Variants in ZNF595 observed in about 807,000 individuals in gnomAD.
The protein encoded by ZNF595 is zinc finger protein 595.
Under a neutral mutation model 19.4 loss-of-function variants are expected in ZNF595, and 9 were observed. The ratio of observed to expected loss-of-function variants is 0.46; its 90% CI spans 0.28 to 0.81. The LOEUF is 0.81. Ranked by LOEUF, ZNF595 falls within the 30% of genes least tolerant of loss-of-function variation. The pLI is 0.11. For synonymous variants in ZNF595, 255 were observed against 255.9 expected, an observed-to-expected ratio of 1.00 and a Z score of 0.03; for missense variants, 729 against 736.0, an observed-to-expected ratio of 0.99 and a Z score of 0.11.
intron 3 of ZNF595, among the ~76,000 whole-genome samples, chr4:77,822 G>A (rs1258465892): frequency 1.3e-5 from 2 of 152,116 alleles, no homozygotes; most frequent in South Asian, 2.1e-4. Context: ...CAATATAAAT[G>A]TGAGCAGGTG....
At chr4:82,510 G>C (rs984886810) in intron 3 of ZNF595, among the ~76,000 whole-genome samples, 13 of 150,212 alleles carry the variant, frequency 8.7e-5, no homozygotes, top group African/African-American at 3.2e-4. Flanking sequence ...TCAGCCTGTC[G>C]AGTAGCTGGG....
At chr4:66,138 G>A (rs1713088785) in intron 3 of ZNF595, among the ~76,000 whole-genome samples, 3 of 144,680 alleles carry the variant, frequency 2.1e-5, no homozygotes, top group African/African-American at 7.8e-5. Context: ...GTGTACAAGG[G>A]TTTCAATTTC....
In ZNF595 at chr4:78,170, G is replaced by A. The variant is rs1398383020; in HGVS notation, c.227-7561G>A. 4.6e-5 allele frequency among the ~76,000 whole-genome samples: 7 copies of A among 152,074 alleles called. No homozygotes were observed. In the East Asian group the frequency reaches 7.7e-4, roughly 17 times the overall value. Reference sequence around the variant, plus strand: ...ACTACAGGCGTCCGCGGCCACGTCCGGCTAATTTTTTGTATGTTTAGTAGA... The same window carrying A: ...ACTACAGGCGTCCGCGGCCACGTCCAGCTAATTTTTTGTATGTTTAGTAGA... On this transcript the variant is annotated intron_variant, in intron 3 of 3. Coordinates refer to ENST00000610261, the MANE Select transcript of ZNF595 (RefSeq NM_182524.4).
intron 3 of ZNF595, among the ~76,000 whole-genome samples, chr4:70,911 G>A (rs1713402516): frequency 6.6e-6 from 1 of 152,280 alleles, no homozygotes; most frequent in Admixed American, 6.5e-5. Context: ...GATAGGGATT[G>A]CATTAAATCT....
At chr4:70,278 G>A (rs1445796177) in intron 3 of ZNF595, among the ~76,000 whole-genome samples, 2 of 151,466 alleles carry the variant, frequency 1.3e-5, no homozygotes, top group African/African-American at 4.9e-5. Flanking sequence ...AGAGATAGGG[G>A]TCTAGTTTCG....
intron 3 of ZNF595, among the ~76,000 whole-genome samples, chr4:61,235 C>A (rs1712848686): frequency 6.6e-6 from 1 of 152,188 alleles, no homozygotes; most frequent in Non-Finnish European, 1.5e-5. Context: ...CTCACTGCAA[C>A]CTCTGCTGCC....
At position 86,060 on chromosome 4, in the gene ZNF595, C is replaced by A; in HGVS notation, c.556C>A (p.His186Asn). 1 of 1,612,456 alleles carries A rather than the reference C, an allele frequency of 6.2e-7. No individual in the cohort carries two copies. The highest frequency in any genetic ancestry group is 8.5e-7 in the Non-Finnish European group (1 of 1,179,134). ...ATGTGGCAGATCGTTTTACATGTCA[C>A]ACCTAACTCAACATACAGGAATTCA... is the stretch of plus-strand genomic sequence containing the variant. Reference protein sequence around the residue: ...TECGRSFYMSHLTQHTGIHAG... With the variant: ...TECGRSFYMSNLTQHTGIHAG... The change falls in exon 4 of 4, where the codon CAC (histidine) becomes AAC (asparagine). Residue 186 changes from histidine to asparagine, a missense_variant. Coordinates refer to ENST00000610261, the MANE Select transcript of ZNF595 (RefSeq NM_182524.4).
At chr4:70,718 T>G (rs572362912) in intron 3 of ZNF595, among the ~76,000 whole-genome samples, 29 of 152,358 alleles carry the variant, frequency 1.9e-4, no homozygotes, top group African/African-American at 6.3e-4. Context: ...CTCTACTGTT[T>G]TACTGATCAG....
chr4:82,930 T>C (rs1713977636), intron 3 of ZNF595, among the ~76,000 whole-genome samples: 1 of 152,166 alleles, frequency 6.6e-6, no homozygotes, highest in African/African-American at 2.4e-5. Flanking sequence ...TGAGTATTCT[T>C]TTCTGATTAT....
rs1553801641 is a variant in ZNF595 at position 86,565 on chromosome 4, G to C, written c.1061G>C (p.Ser354Thr). Residue 354 changes from serine to threonine, a missense_variant, in exon 4 of 4, where the codon AGT becomes ACT. Around this residue, in one of 2 missense-constraint regions of ZNF595, gnomAD observed 729 missense variants for 675.3 expected, o/e 1.08. Coordinates refer to ENST00000610261, the MANE Select transcript of ZNF595 (RefSeq NM_182524.4). ...KCGKAFNQSS[S>T]LIIHRSIHSE... Reference sequence around the variant, plus strand: ...GGCAAAGCTTTTAACCAATCCTCAAGTCTTATTATACACAGGAGCATTCAT... The same window carrying C: ...GGCAAAGCTTTTAACCAATCCTCAACTCTTATTATACACAGGAGCATTCAT... 2 of 1,612,304 alleles carry C rather than the reference G, an allele frequency of 1.2e-6. No homozygotes were observed. Among genetic ancestry groups the C allele is most frequent in the South Asian group, 2.2e-5 (2 of 90,990 alleles).
At chr4:66,454 A>T (rs1713114634) in intron 3 of ZNF595, among the ~76,000 whole-genome samples, 1 of 152,066 alleles carries the variant, frequency 6.6e-6, no homozygotes, top group Non-Finnish European at 1.5e-5. Flanking sequence ...AATTTAATGT[A>T]GTCCTACTTT....
rs138573810 is a variant in ZNF595, at chr4:73,179, C to A, written c.227-12552C>A. ...ATTGGGGAAAGCACCAAGCATAAGA[C>A]CTGCAAGCATCTCCAAAATGAGGCA... On this transcript the variant is annotated intron_variant, in intron 3 of 3. Transcript: ENST00000610261. Among the ~76,000 whole-genome samples the A allele has an allele frequency of 4.9e-4, 74 of 152,068 alleles. 2 individuals are homozygous for A. In the East Asian group the frequency reaches 0.014, roughly 28 times the overall value.
chr4:71,993 C>T (rs1713451276), intron 3 of ZNF595, among the ~76,000 whole-genome samples: 2 of 151,964 alleles, frequency 1.3e-5, no homozygotes, highest in South Asian at 2.1e-4. Context: ...TTTCAATGAG[C>T]AGGATGGGGG....
At chr4:66,213 A>T (rs2108750398) in intron 3 of ZNF595, among the ~76,000 whole-genome samples, 1 of 151,644 alleles carries the variant, frequency 6.6e-6, no homozygotes, top group East Asian at 2.0e-4. Context: ...AATACACAGT[A>T]ATACCTCATT....
chr4:70,977 G>A (rs1055260555), intron 3 of ZNF595, among the ~76,000 whole-genome samples: 1 of 152,154 alleles, frequency 6.6e-6, no homozygotes, highest in African/African-American at 2.4e-5. Context: ...TTTTATTCAT[G>A]AACATAAAAT....
intron 3 of ZNF595, among the ~76,000 whole-genome samples, chr4:77,277 G>A (rs13147163): frequency 2.0e-4 from 30 of 150,078 alleles, no homozygotes; most frequent in Admixed American, 1.8e-3. Context: ...TATCCATTTG[G>A]TTCTCTTTCT....
Position 86,974 on chromosome 4 carries a change from A to AT in ZNF595, c.1471dup (p.Trp491LeufsTer7). On this transcript the variant is annotated frameshift_variant, in exon 4 of 4. Coordinates refer to ENST00000610261, the MANE Select transcript of ZNF595 (RefSeq NM_182524.4). LOFTEE classifies it high-confidence loss of function. ...GTGAAGAATGTGGCAAAGCTTTCATATGGTCCGCAAGCCTGAATGAACATA... is the reference window on the plus strand; with the variant it reads ...GTGAAGAATGTGGCAAAGCTTTCATATTGGTCCGCAAGCCTGAATGAACATA... 1 of 1,611,618 alleles carries AT rather than the reference A, an allele frequency of 6.2e-7. No individual in the cohort carries two copies. Among genetic ancestry groups the AT allele is most frequent in the East Asian group, 2.2e-5 (1 of 44,652 alleles).
rs565270381 is a variant in ZNF595, at chr4:81,100, G to C, written c.227-4631G>C. Among the ~76,000 whole-genome samples, 3 of 152,198 alleles carry C rather than the reference G, an allele frequency of 2.0e-5. No individual in the cohort carries two copies. The South Asian group carries it at 6.2e-4, about 32-fold the overall frequency. On this transcript the variant is annotated intron_variant, in intron 3 of 3. Transcript: ENST00000610261. ...ATGTGGTGTTTGGTTTTCTGTTCCT[G>C]TGTTTGTTTGCTGAGAATGATGGTT...
At chr4:83,754 G>A (rs1197956921) in intron 3 of ZNF595, among the ~76,000 whole-genome samples, 1 of 149,906 alleles carries the variant, frequency 6.7e-6, no homozygotes, top group East Asian at 1.9e-4. Context: ...TAAATAATTT[G>A]CTGAAATGGA....
Sources: gnomAD v4.1 joint callset for allele counts (sites outside exome capture counted in the v4.1 genomes callset) on GRCh38, gnomAD v4.1.1 for gene constraint, gnomAD v4.1.1 regional missense constraint, MANE v1.5 for transcripts, NCBI Gene and HGNC (gene_info 2026-07-23, HGNC 2026-07-21) for gene names.